The following AQR variants were observed in gnomAD, a reference collection of about 807,000 sequenced individuals.
The protein encoded by AQR is aquarius intron-binding spliceosomal factor.
Under a neutral mutation model 180.5 loss-of-function variants are expected in AQR, and 61 were observed. The ratio of observed to expected loss-of-function variants is 0.34; its 90% CI spans 0.28 to 0.42. AQR has a LOEUF of 0.42. AQR is among the 10% of genes least tolerant of loss of function. AQR has a pLI of 1.00. For missense variants in AQR, 1,281 were observed against 1,798.3 expected (o/e 0.71, Z 5.20); for synonymous variants, 551 against 588.8 (o/e 0.94, Z 0.93).
rs765219132 is a variant in AQR at position 34,870,793 on chromosome 15, T to C, written c.3727A>G (p.Arg1243Gly). ...ATCAATGGATTGTTTCCACATCGTC[T>C]ATTGATGATGTCGCGAATAAGATGC... ...QKHLIRDIIN[R>G]RCGNNPLIGR... The change falls in exon 31 of 35, where the codon AGA becomes GGA. Residue 1243 changes from arginine to glycine, a missense_variant. Around this residue, in one of 9 missense-constraint regions of AQR, gnomAD observed 197 missense variants for 320.7 expected, o/e 0.61. Transcript: ENST00000156471. The C allele has an allele frequency of 1.2e-6, 2 of 1,613,260 alleles. No individual in the cohort carries two copies.
At chr15:34,874,587 T>C in intron 29 of AQR, 90 bp downstream of exon 29, 1 of 1,488,894 alleles carries the variant, frequency 6.7e-7, no homozygotes, top group Non-Finnish European at 9.2e-7. Flanking sequence ...CCAAGAATGC[T>C]AATAGTCTAC....
At chr15:34,909,040 A>T (rs1265112540) in intron 17 of AQR, among the ~76,000 whole-genome samples, 1 of 152,260 alleles carries the variant, frequency 6.6e-6, no homozygotes, top group African/African-American at 2.4e-5. Context: ...GTTATAAAAC[A>T]ATCTGTCATA....
Position 34,963,788 on chromosome 15 carries a change from C to T in AQR, c.132+446G>A, listed in dbSNP as rs1270282056. 3.3e-5 allele frequency among the ~76,000 whole-genome samples: 5 copies of T among 150,886 alleles called. 1 individual carries two copies. Among genetic ancestry groups the T allele is most frequent in the East Asian group, 1.9e-4 (1 of 5,174 alleles). ...ACGCCATTCTCCTGCCTCAGCCTCC[C>T]GAGTAGCTGGGACTACAGGCGCCCA... On this transcript the variant is annotated intron_variant, in intron 2 of 34. Transcript: ENST00000156471.
chr15:34,900,064 T>C lies in AQR; in HGVS notation c.2243+558A>G, dbSNP rs534067548. 4.6e-5 allele frequency among the ~76,000 whole-genome samples: 7 copies of C among 152,156 alleles called. No individual in the cohort carries two copies. The East Asian group carries it at 1.4e-3, about 29-fold the overall frequency. ...TGCGCCACCATGCCCAGCTACTTTT[T>C]TGAATTTTTTTAGAGATGGGGTCTC... On this transcript the variant is annotated intron_variant, in intron 20 of 34. Coordinates refer to ENST00000156471, the MANE Select transcript of AQR (RefSeq NM_014691.3).
rs761480229 is a variant in AQR, at chr15:34,964,202, T to C, written c.132+32A>G. ...AACCCTTTAAAAGGAGTGTAACTTCTCAAGAATTATGTTGAAACCAAAAAT... is the reference window on the plus strand; with the variant it reads ...AACCCTTTAAAAGGAGTGTAACTTCCCAAGAATTATGTTGAAACCAAAAAT... On this transcript the variant is annotated intron_variant, in intron 2 of 34. Transcript: ENST00000156471. 46 of 1,486,550 alleles carry C rather than the reference T, an allele frequency of 3.1e-5. 1 individual carries two copies. Among genetic ancestry groups the C allele is most frequent in the Non-Finnish European group, 4.0e-5 (43 of 1,069,670 alleles). The allele number at this position is 1,486,550 out of a possible 1,614,324, so 92.1% of individuals were successfully genotyped here. A position where few individuals can be genotyped will look rare whatever the true frequency, so the allele number is the denominator to read the frequency against.
intron 1 of AQR, among the ~76,000 whole-genome samples, chr15:34,967,168 C>T (rs1014194251): frequency 2.7e-5 from 4 of 149,280 alleles, no homozygotes; most frequent in Non-Finnish European, 5.9e-5. Context: ...AATCCCACTG[C>T]GAGCCACAAG....
At chr15:34,946,095 AC>A (rs1222672942) in intron 5 of AQR, among the ~76,000 whole-genome samples, 1 of 151,966 alleles carries the variant, frequency 6.6e-6, no homozygotes, top group Non-Finnish European at 1.5e-5. Context: ...ATATGGTGAA[AC>A]CCCATCTCTA....
chr15:34,873,336 T>C (rs1468313971), intron 30 of AQR, among the ~76,000 whole-genome samples: 1 of 152,180 alleles, frequency 6.6e-6, no homozygotes, highest in Non-Finnish European at 1.5e-5. Context: ...TCCCCAAACC[T>C]ATCCCAACAC....
At chr15:34,912,475 ATATTT>A (rs1893515699) in intron 16 of AQR, among the ~76,000 whole-genome samples, 1 of 152,014 alleles carries the variant, frequency 6.6e-6, no homozygotes, top group Non-Finnish European at 1.5e-5. Flanking sequence ...TCAATTGTTA[ATATTT>A]TATTTTCTAT....
intron 27 of AQR, among the ~76,000 whole-genome samples, chr15:34,881,814 A>G (rs532598197): frequency 4.6e-5 from 7 of 151,466 alleles, no homozygotes. Context: ...TTTTTGTTTG[A>G]TTTTGTTTTG....
chr15:34,969,665 G>A lies in AQR; in HGVS notation c.-52C>T. On this transcript the variant is annotated 5_prime_UTR_variant, in exon 1 of 35. Coordinates refer to ENST00000156471, the MANE Select transcript of AQR (RefSeq NM_014691.3). ...GGAAACTAAAGGACCGCTCTGGGCA[G>A]CGGCAACCCTGGTCCACTTCCCTTA... is the stretch of plus-strand genomic sequence containing the variant. 1 of 1,580,470 alleles carries A rather than the reference G, an allele frequency of 6.3e-7. No homozygotes were observed. Among genetic ancestry groups the A allele is most frequent in the Non-Finnish European group, 8.6e-7 (1 of 1,163,362 alleles).
chr15:34,882,577 T>G lies in AQR; in HGVS notation c.3090A>C (p.Lys1030Asn). The change falls in exon 27 of 35, where the codon AAA becomes AAC. Residue 1030 changes from lysine to asparagine, a missense_variant. This residue lies in a region of AQR where 125 missense variants were observed against 185.0 expected (regional missense o/e 0.68). Transcript: ENST00000156471. ...GLDRSKYLLV[K>N]EAKIIAMTCT... ...AGGTCATAGCAATAATTTTGGCTTC[T>G]TTCACTAAAAGGTATTTAGATCTGT... 6.2e-7 allele frequency: 1 copy of G among 1,613,384 alleles called. No homozygotes were observed.
intron 4 of AQR, among the ~76,000 whole-genome samples, chr15:34,951,036 G>A (rs981749180): frequency 6.6e-6 from 1 of 152,152 alleles, no homozygotes; most frequent in Non-Finnish European, 1.5e-5. Flanking sequence ...GTATGGTCCT[G>A]ACTCCAAACT....
chr15:34,862,867 C>A lies in AQR; in HGVS notation c.4029G>T (p.Lys1343Asn). The change falls in exon 33 of 35, where the codon AAG becomes AAT. Residue 1343 changes from lysine (K) to asparagine (N), a missense_variant and splice_region_variant. Coordinates refer to ENST00000156471, the MANE Select transcript of AQR (RefSeq NM_014691.3). ...IPTEPFPTTR[K>N]NGERPSHEVQ... The stretch of plus-strand genomic sequence containing the variant: ...TATAAAATGAAGAAAGAAGTCCTAC[C>A]TTTCTAGTAGTTGGGAAAGGTTCTG... 6.2e-7 allele frequency: 1 copy of A among 1,613,204 alleles called. No homozygotes were observed. The highest frequency in any genetic ancestry group is 1.3e-5 in the African/African-American group (1 of 74,986).
chr15:34,941,885 A>C (rs1414662336), intron 7 of AQR, 127 bp downstream of exon 7: 3 of 526,230 alleles, frequency 5.7e-6, no homozygotes, highest in Admixed American at 3.9e-5. Flanking sequence ...AAAGTTAAGC[A>C]AAGTGGCTTT....
intron 20 of AQR, among the ~76,000 whole-genome samples, chr15:34,898,035 C>T (rs1893275198): frequency 1.3e-5 from 2 of 152,108 alleles, no homozygotes; most frequent in African/African-American, 4.8e-5. Flanking sequence ...GGACAGATGG[C>T]ATCTAAGATG....
Position 34,886,671 on chromosome 15 carries a change from T to G in AQR, c.2682-10A>C, listed in dbSNP as rs774100229. 149 of 1,591,234 alleles carry G rather than the reference T, an allele frequency of 9.4e-5. No homozygotes were observed. The highest frequency in any genetic ancestry group is 1.2e-4 in the Non-Finnish European group (143 of 1,174,022). Reference sequence around the variant, plus strand: ...ATTAACTCTTCCATACCTAGACATTTCAATTAGGCAAAATGACAAAACTGT... The same window carrying G: ...ATTAACTCTTCCATACCTAGACATTGCAATTAGGCAAAATGACAAAACTGT... On this transcript the variant is annotated splice_polypyrimidine_tract_variant and intron_variant, in intron 24 of 34. Coordinates refer to ENST00000156471, the MANE Select transcript of AQR (RefSeq NM_014691.3).
intron 23 of AQR, among the ~76,000 whole-genome samples, chr15:34,893,180 G>A (rs780014168): frequency 1.8e-4 from 28 of 152,166 alleles, no homozygotes; most frequent in Non-Finnish European, 4.0e-4. Flanking sequence ...GGTGCTACCT[G>A]CGTCAGTCAC....
rs1316797914 is a variant in AQR, at chr15:34,946,892, G to T, written c.330+1372C>A. Among the ~76,000 whole-genome samples, 4 of 148,602 alleles carry T rather than the reference G, an allele frequency of 2.7e-5. No homozygotes were observed. In the South Asian group the frequency reaches 8.5e-4, roughly 32 times the overall value. On this transcript the variant is annotated intron_variant, in intron 5 of 34. Coordinates refer to ENST00000156471, the MANE Select transcript of AQR (RefSeq NM_014691.3). ...CCCCGTCCGGGAGGGAGGTGGGGGGGGTCAGCCCCCCGTCCGGCCAGCCGC... is the reference window on the plus strand; with the variant it reads ...CCCCGTCCGGGAGGGAGGTGGGGGGTGTCAGCCCCCCGTCCGGCCAGCCGC...
Sources: gnomAD v4.1 joint callset for allele counts (sites outside exome capture counted in the v4.1 genomes callset) on GRCh38, gnomAD v4.1.1 for gene constraint, gnomAD v4.1.1 regional missense constraint, MANE v1.5 for transcripts, NCBI Gene and HGNC (gene_info 2026-07-23, HGNC 2026-07-21) for gene names.